The following SLC4A8 variants were observed in gnomAD, a reference collection of about 807,000 sequenced individuals.
SLC4A8 encodes the protein electroneutral sodium bicarbonate exchanger 1.
A neutral mutation model predicts 125.0 loss-of-function variants in SLC4A8; 40 were observed. That is an observed-to-expected ratio of 0.32 (90% CI 0.25 to 0.42). The LOEUF (loss-of-function observed/expected upper bound fraction) is 0.42, where lower values mean the gene tolerates loss of function less well. Ranked by LOEUF, SLC4A8 falls within the 10% of genes least tolerant of loss-of-function variation. SLC4A8 has a pLI of 1.00. For synonymous variants in SLC4A8, 456 were observed against 476.0 expected (o/e 0.96, Z 0.55); for missense variants, 863 against 1,355.1 (o/e 0.64, Z 5.70).
chr12:51,455,414 A>T (rs1199083675), intron 5 of SLC4A8, among the ~76,000 whole-genome samples: 1 of 152,170 alleles, frequency 6.6e-6, no homozygotes, highest in Non-Finnish European at 1.5e-5. Context: ...GAAAGGGGCA[A>T]CTGGAAGTTG....
intron 2 of SLC4A8, chr12:51,441,127 A>G: frequency 2.6e-5 from 26 of 1,006,722 alleles, no homozygotes; most frequent in Non-Finnish European, 3.1e-5. Flanking sequence ...TGGAAATACA[A>G]ATAAATACAA....
intron 1 of SLC4A8, chr12:51,425,424 GTCTTC>G (rs1304018063): frequency 1.5e-5 from 15 of 1,034,396 alleles, no homozygotes; most frequent in Non-Finnish European, 1.7e-5. Flanking sequence ...GGTGGGGCAC[GTCTTC>G]TCTTTGTGTT....
chr12:51,399,466 A>AT (rs10710903), intron 1 of SLC4A8, among the ~76,000 whole-genome samples: 130 of 151,274 alleles, frequency 8.6e-4, no homozygotes, highest in African/African-American at 2.3e-3. Context: ...CAGCTTCTTA[A>AT]TTTTTTTTTT....
At chr12:51,478,706 G>T (rs1950931924) in intron 16 of SLC4A8, among the ~76,000 whole-genome samples, 1 of 152,184 alleles carries the variant, frequency 6.6e-6, no homozygotes. Flanking sequence ...TTGGTTGAAA[G>T]GATTTTTCCA....
intron 1 of SLC4A8, among the ~76,000 whole-genome samples, chr12:51,410,767 T>C (rs1948577341): frequency 6.6e-6 from 1 of 152,160 alleles, no homozygotes; most frequent in South Asian, 2.1e-4. Context: ...GCCAATCATT[T>C]TTTAATTAGA....
At chr12:51,400,846 T>TTATATACGTATATAAACATATATATG (rs1565749459) in intron 1 of SLC4A8, among the ~76,000 whole-genome samples, 2 of 126,270 alleles carry the variant, frequency 1.6e-5, no homozygotes, top group African/African-American at 6.4e-5. Flanking sequence ...ACATATATGT[T>TTATATACGTATATAAACATATATATG]TATATACGTA....
intron 1 of SLC4A8, among the ~76,000 whole-genome samples, chr12:51,437,672 A>C (rs2138107202): frequency 6.6e-6 from 1 of 152,354 alleles, no homozygotes; most frequent in African/African-American, 2.4e-5. Flanking sequence ...TATTTTCTTA[A>C]TAAATTACCC....
chr12:51,475,036 T>G lies in SLC4A8; in HGVS notation c.2011-9T>G. On this transcript the variant is annotated splice_polypyrimidine_tract_variant and intron_variant, in intron 15 of 24. Coordinates refer to ENST00000453097, the MANE Select transcript of SLC4A8 (RefSeq NM_001039960.3). ...TGCCTTTCATCACCCAGAATGCTTA[T>G]TCCTCCAGGAATGCCAGGAGATGCA... The G allele has an allele frequency of 6.2e-7, 1 of 1,612,244 alleles. No individual in the cohort carries two copies. The highest frequency in any genetic ancestry group is 8.5e-7 in the Non-Finnish European group (1 of 1,178,944).
At chr12:51,394,435 C>T (rs1343225668) in intron 1 of SLC4A8, among the ~76,000 whole-genome samples, 1 of 152,232 alleles carries the variant, frequency 6.6e-6, no homozygotes, top group Non-Finnish European at 1.5e-5. Flanking sequence ...TGCAGGCTTC[C>T]TCTCCACCAA....
chr12:51,461,360 A>G (rs1348401203), intron 9 of SLC4A8, 69 bp downstream of exon 9: 1 of 909,530 alleles, frequency 1.1e-6, no homozygotes, highest in South Asian at 1.4e-5. Flanking sequence ...TGTGCCAGGC[A>G]ATATGCTAGT....
At chr12:51,465,949 G>A (rs563172096) in intron 11 of SLC4A8, among the ~76,000 whole-genome samples, 6 of 152,240 alleles carry the variant, frequency 3.9e-5, no homozygotes, top group South Asian at 2.1e-4. Flanking sequence ...ATAATTTTTC[G>A]GACTATTAGT....
chr12:51,499,106 G>A (rs1353810052), intron 22 of SLC4A8, among the ~76,000 whole-genome samples: 1 of 151,874 alleles, frequency 6.6e-6, no homozygotes, highest in African/African-American at 2.4e-5. Flanking sequence ...ACTTGAACCC[G>A]GGAGGCAGAG....
chr12:51,393,575 A>C (rs748463563), intron 1 of SLC4A8, among the ~76,000 whole-genome samples: 1 of 152,180 alleles, frequency 6.6e-6, no homozygotes, highest in East Asian at 1.9e-4. Context: ...ATCTATTCAG[A>C]AGGTGAGATG....
intron 11 of SLC4A8, among the ~76,000 whole-genome samples, chr12:51,468,089 G>A (rs543620064): frequency 1.5e-4 from 23 of 152,250 alleles, no homozygotes; most frequent in Non-Finnish European, 2.5e-4. Flanking sequence ...ATTGGTAGAA[G>A]AAGCCAGGTG....
chr12:51,469,336 C>T (rs991220547), intron 11 of SLC4A8, among the ~76,000 whole-genome samples: 11 of 152,006 alleles, frequency 7.2e-5, no homozygotes, highest in African/African-American at 1.2e-4. Flanking sequence ...TACTTGCTTT[C>T]GTGTTAATTT....
intron 22 of SLC4A8, among the ~76,000 whole-genome samples, chr12:51,498,324 G>A (rs1377086929): frequency 4.6e-5 from 7 of 151,902 alleles, no homozygotes; most frequent in Non-Finnish European, 1.0e-4. Flanking sequence ...ATTGAAATGA[G>A]CAATGGACAT....
At chr12:51,499,657 A>ACACACG (rs752032841) in intron 22 of SLC4A8, among the ~76,000 whole-genome samples, 2 of 150,070 alleles carry the variant, frequency 1.3e-5, no homozygotes, top group African/African-American at 5.0e-5. Flanking sequence ...ACACACACAC[A>ACACACG]CGTATATAAT....
chr12:51,494,377 G>C (rs1267772350), intron 20 of SLC4A8: 1 of 147,678 alleles, frequency 6.8e-6, no homozygotes, highest in Non-Finnish European at 1.5e-5. Context: ...ATTATTCTTT[G>C]TTTGAATGGA....
At position 51,457,347 on chromosome 12, in the gene SLC4A8, C is replaced by G. The variant is rs757877357; in HGVS notation, c.575-4C>G. On this transcript the variant is annotated splice_polypyrimidine_tract_variant and splice_region_variant and intron_variant, in intron 5 of 24. Transcript: ENST00000453097. ...GAGTGTTCATGTGAGTGCCTGCTTT[C>G]CAGACCTGATCCTGGATCAGCAAGA... The G allele has an allele frequency of 4.3e-6, 7 of 1,612,812 alleles. No individual in the cohort carries two copies. The East Asian group carries it at 1.6e-4, about 36-fold the overall frequency.
Sources: gnomAD v4.1 joint callset for allele counts (sites outside exome capture counted in the v4.1 genomes callset) on GRCh38, gnomAD v4.1.1 for gene constraint, MANE v1.5 for transcripts, NCBI Gene and HGNC (gene_info 2026-07-23, HGNC 2026-07-21) for gene names.